The following STK32B variants were observed in gnomAD, a reference collection of about 807,000 sequenced individuals.
STK32B encodes serine/threonine kinase 32B.
In STK32B, 43 loss-of-function variants were observed where a neutral mutation model predicts 52.6. That is an observed-to-expected ratio of 0.82 (90% CI 0.64 to 1.05). The LOEUF is 1.05. Among genes scored for constraint, STK32B ranks in the 50% least tolerant of loss-of-function variants. The pLI, the probability that STK32B is intolerant of heterozygous loss-of-function variation, is 0.00. For missense variants in STK32B, 621 were observed against 534.6 expected (o/e 1.16, Z -1.59); for synonymous variants, 238 against 204.3 (o/e 1.17, Z -1.41).
chr4:5,210,590 A>G (rs1722848364), intron 3 of STK32B, among the ~76,000 whole-genome samples: 1 of 152,000 alleles, frequency 6.6e-6, no homozygotes, highest in Non-Finnish European at 1.5e-5. Flanking sequence ...TGATTCCCTT[A>G]CTAGACTTCA....
intron 3 of STK32B, among the ~76,000 whole-genome samples, chr4:5,176,631 A>G (rs1268793225): frequency 6.6e-6 from 1 of 151,904 alleles, no homozygotes; most frequent in Non-Finnish European, 1.5e-5. Context: ...CTTAGTAAAG[A>G]CAGGATTTCA....
chr4:5,377,611 C>G (rs937234432), intron 4 of STK32B, among the ~76,000 whole-genome samples: 1 of 152,188 alleles, frequency 6.6e-6, no homozygotes, highest in Non-Finnish European at 1.5e-5. Flanking sequence ...ATTGTCATCC[C>G]CATAATCCCC....
chr4:5,388,538 C>G (rs1472333703), intron 4 of STK32B, among the ~76,000 whole-genome samples: 1 of 152,146 alleles, frequency 6.6e-6, no homozygotes. Flanking sequence ...CCGTAGGACC[C>G]CAGCTCTCCA....
At chr4:5,166,004 A>G (rs1718841541) in intron 2 of STK32B, among the ~76,000 whole-genome samples, 1 of 152,142 alleles carries the variant, frequency 6.6e-6, no homozygotes, top group African/African-American at 2.4e-5. Flanking sequence ...GTTCAGAAAT[A>G]TGCGGAGACT....
rs545601091 is a variant in STK32B, at chr4:5,392,248, A to G, written c.435-5959A>G. Among the ~76,000 whole-genome samples, 125 of 152,234 alleles carry G rather than the reference A, an allele frequency of 8.2e-4. 1 individual carries two copies. The highest frequency in any genetic ancestry group is 4.1e-4 in the Non-Finnish European group (28 of 68,010). On this transcript the variant is annotated intron_variant, in intron 4 of 11. Transcript: ENST00000282908. The stretch of plus-strand genomic sequence containing the variant: ...TCAGGAGTTTGAGACCAGCATGGTG[A>G]TACGCCGTCTCTACTAAAAATACAA...
intron 1 of STK32B, among the ~76,000 whole-genome samples, chr4:5,070,913 G>A (rs1711728414): frequency 6.6e-6 from 1 of 152,172 alleles, no homozygotes; most frequent in Admixed American, 6.6e-5. Context: ...GGCGTTCCTA[G>A]GCATGAAAAT....
At chr4:5,249,878 T>C (rs1725790470) in intron 3 of STK32B, among the ~76,000 whole-genome samples, 1 of 152,172 alleles carries the variant, frequency 6.6e-6, no homozygotes. Flanking sequence ...ATAAGCACAG[T>C]ACTCGATAGA....
At chr4:5,193,457 C>A (rs1382384194) in intron 3 of STK32B, among the ~76,000 whole-genome samples, 1 of 152,222 alleles carries the variant, frequency 6.6e-6, no homozygotes, top group Admixed American at 6.5e-5. Context: ...CAACCTATCT[C>A]TGTCTGACTC....
At chr4:5,271,731 G>A (rs567582076) in intron 3 of STK32B, among the ~76,000 whole-genome samples, 151 of 145,576 alleles carry the variant, frequency 1.0e-3, no homozygotes, top group African/African-American at 3.9e-3. Flanking sequence ...TCCCTTGTAA[G>A]TTGGATTCCT....
Position 5,361,742 on chromosome 4 carries a change from G to T in STK32B, c.434+30349G>T, listed in dbSNP as rs1577395466. On this transcript the variant is annotated intron_variant, in intron 4 of 11. Transcript: ENST00000282908. ...TCTATAATAAAGAGCTTAAACTGCT[G>T]GACTAAGGAATTCTGATTTTATTAT... is the stretch of plus-strand genomic sequence containing the variant. 2.0e-5 allele frequency among the ~76,000 whole-genome samples: 3 copies of T among 152,276 alleles called. No homozygotes were observed. In the South Asian group the frequency reaches 6.2e-4, roughly 32 times the overall value.
intron 3 of STK32B, among the ~76,000 whole-genome samples, chr4:5,180,910 G>A (rs779332374): frequency 6.6e-6 from 1 of 151,520 alleles, no homozygotes; most frequent in Non-Finnish European, 1.5e-5. Flanking sequence ...ATTTTCACTT[G>A]TTGTATTGCA....
At chr4:5,374,349 A>G (rs1735444775) in intron 4 of STK32B, among the ~76,000 whole-genome samples, 1 of 152,230 alleles carries the variant, frequency 6.6e-6, no homozygotes, top group Non-Finnish European at 1.5e-5. Flanking sequence ...AATAGACAAA[A>G]TGCTTTTTGC....
intron 3 of STK32B, among the ~76,000 whole-genome samples, chr4:5,287,158 A>G (rs147132137): frequency 6.6e-6 from 1 of 152,238 alleles, no homozygotes; most frequent in East Asian, 1.9e-4. Context: ...GGGCATGTAT[A>G]TGTTCAGCTT....
Position 5,088,720 on chromosome 4 carries a change from C to G in STK32B, c.52+36805C>G, listed in dbSNP as rs532958376. 2.6e-5 allele frequency among the ~76,000 whole-genome samples: 4 copies of G among 151,562 alleles called. No homozygotes were observed. In the South Asian group the frequency reaches 6.3e-4, roughly 24 times the overall value. ...CCTGTATCAAGACATCTCATGGATCCCATAAACACATACACCTACTATGTA... is the reference window on the plus strand; with the variant it reads ...CCTGTATCAAGACATCTCATGGATCGCATAAACACATACACCTACTATGTA... On this transcript the variant is annotated intron_variant, in intron 1 of 11. Transcript: ENST00000282908.
At chr4:5,409,317 G>A (rs1003727794) in intron 5 of STK32B, among the ~76,000 whole-genome samples, 52 of 152,220 alleles carry the variant, frequency 3.4e-4, no homozygotes, top group African/African-American at 1.3e-3. Context: ...GTCCAGCATG[G>A]TGCCTCCTGG....
chr4:5,209,380 C>T (rs527519454), intron 3 of STK32B, among the ~76,000 whole-genome samples: 121 of 150,214 alleles, frequency 8.1e-4, no homozygotes, highest in Non-Finnish European at 1.3e-3. Flanking sequence ...TGCCACCATG[C>T]CTGGCTAATT....
At chr4:5,334,463 C>G (rs1732491688) in intron 4 of STK32B, among the ~76,000 whole-genome samples, 1 of 152,120 alleles carries the variant, frequency 6.6e-6, no homozygotes, top group South Asian at 2.1e-4. Flanking sequence ...ATTGAATACC[C>G]TTTATTTCCT....
intron 3 of STK32B, among the ~76,000 whole-genome samples, chr4:5,286,609 C>T (rs962759392): frequency 1.3e-5 from 2 of 152,056 alleles, no homozygotes; most frequent in African/African-American, 2.4e-5. Flanking sequence ...GAGATCTATC[C>T]ATTTTGTTGC....
rs1404710016 is a variant in STK32B at position 5,460,259 on chromosome 4, A to C, written c.909+31A>C. ...TGGAAGTCCCACCTGATGTCATGCC[A>C]CCCCTCTGCAGGGTCCCCGCCTTGG... On this transcript the variant is annotated intron_variant, in intron 9 of 11. Coordinates refer to ENST00000282908, the MANE Select transcript of STK32B (RefSeq NM_018401.3). This position sits in a 1 kb window ranked among gnomAD's most constrained non-coding sequence, Gnocchi z 4.8. 3.1e-6 allele frequency: 5 copies of C among 1,591,506 alleles called. No individual in the cohort carries two copies. In the African/African-American group the frequency reaches 6.7e-5, roughly 21 times the overall value.
Sources: gnomAD v4.1 joint callset for allele counts (sites outside exome capture counted in the v4.1 genomes callset) on GRCh38, gnomAD v4.1.1 for gene constraint, Gnocchi (gnomAD v3.1) non-coding constraint, MANE v1.5 for transcripts, NCBI Gene and HGNC (gene_info 2026-07-23, HGNC 2026-07-21) for gene names.